Variants in SIRPA observed in about 807,000 individuals in gnomAD.
The protein encoded by SIRPA is tyrosine-protein phosphatase non-receptor type substrate 1.
A neutral mutation model predicts 50.3 loss-of-function variants in SIRPA; 9 were observed. That is an observed-to-expected ratio of 0.18 (90% CI 0.11 to 0.31). The LOEUF (loss-of-function observed/expected upper bound fraction) is 0.31. Ranked by LOEUF, SIRPA falls within the 10% of genes least tolerant of loss-of-function variation. The pLI, the probability that SIRPA is intolerant of heterozygous loss-of-function variation, is 1.00. For missense variants in SIRPA, 474 were observed against 661.6 expected (o/e 0.72, Z 3.11); for synonymous variants, 265 against 284.1 (o/e 0.93, Z 0.68).
intron 1 of SIRPA, among the ~76,000 whole-genome samples, chr20:1,904,387 C>T (rs1000309633): frequency 6.6e-6 from 1 of 152,182 alleles, no homozygotes; most frequent in Non-Finnish European, 1.5e-5. Flanking sequence ...CTTGGAGGCC[C>T]CACCTCGAGG....
At chr20:1,906,344 G>A (rs923437914) in intron 1 of SIRPA, among the ~76,000 whole-genome samples, 2 of 152,228 alleles carry the variant, frequency 1.3e-5, no homozygotes, top group African/African-American at 4.8e-5. Context: ...ATGACAGGGA[G>A]ATGAGCGCTT....
At chr20:1,900,922 G>A (rs1984154276) in intron 1 of SIRPA, among the ~76,000 whole-genome samples, 1 of 152,236 alleles carries the variant, frequency 6.6e-6, no homozygotes, top group Non-Finnish European at 1.5e-5. Flanking sequence ...CGTTGGATCT[G>A]TGAGGAAACT....
rs1600438258 is a variant in SIRPA, at chr20:1,922,759, AT to A, written c.1087+115del. ...TATAGAACAATCTAGAAGTCTATAA[AT>A]ATAAAGTAGAATTTTAATGTCAGCT... On this transcript the variant is annotated intron_variant, in intron 4 of 7. Transcript: ENST00000358771. 14 of 1,256,696 alleles carry A rather than the reference AT, an allele frequency of 1.1e-5. No homozygotes were observed. The East Asian group carries it at 3.6e-4, about 32-fold the overall frequency. 77.8% of individuals were successfully genotyped at this position (1,256,696 alleles called of 1,614,324 possible).
chr20:1,927,151 C>T lies in SIRPA; in HGVS notation c.1202-724C>T, dbSNP rs1986028816. The stretch of plus-strand genomic sequence containing the variant: ...AGCAAGAATTCTTGCACTGTGGCAG[C>T]CTCCAGCCTATTAAAGTGCGGTGCA... On this transcript the variant is annotated intron_variant, in intron 5 of 7. Coordinates refer to ENST00000358771, the MANE Select transcript of SIRPA (RefSeq NM_001040023.2). This position sits in a 1 kb window ranked among gnomAD's most constrained non-coding sequence, Gnocchi z 6.5. Among the ~76,000 whole-genome samples, 1 of 152,242 alleles carries T rather than the reference C, an allele frequency of 6.6e-6. No individual in the cohort carries two copies. Among genetic ancestry groups the T allele is most frequent in the African/African-American group, 2.4e-5 (1 of 41,460 alleles).
chr20:1,897,686 G>A (rs1383233738), intron 1 of SIRPA, among the ~76,000 whole-genome samples: 1 of 152,082 alleles, frequency 6.6e-6, no homozygotes, highest in African/African-American at 2.4e-5. Flanking sequence ...AGGCAGAACT[G>A]TCAGCCTGGG....
At chr20:1,910,253 C>A (rs1234230499) in intron 1 of SIRPA, among the ~76,000 whole-genome samples, 1 of 152,204 alleles carries the variant, frequency 6.6e-6, no homozygotes, top group Non-Finnish European at 1.5e-5. Flanking sequence ...TTGCTGTGGA[C>A]ACTGAGTTCC....
At position 1,937,595 on chromosome 20, in the gene SIRPA, C is replaced by CGT; in HGVS notation, c.*27_*28insGT. On this transcript the variant is annotated 3_prime_UTR_variant, in exon 8 of 8. Transcript: ENST00000358771. This position sits in a 1 kb window ranked among gnomAD's most constrained non-coding sequence, Gnocchi z 8.3. ...TGGGACCGTGGTTTGCTCTAGCACC[C>CGT]ATCTCTACGCGCTTTCTTGTCCCAC... 1 of 1,608,056 alleles carries CGT rather than the reference C, an allele frequency of 6.2e-7. No individual in the cohort carries two copies.
In SIRPA at chr20:1,939,819, A is replaced by G. The variant is rs541193058; in HGVS notation, c.*2251A>G. 3.3e-5 allele frequency: 5 copies of G among 152,722 alleles called. No individual in the cohort carries two copies. Among genetic ancestry groups the G allele is most frequent in the Non-Finnish European group, 7.4e-5 (5 of 68,004 alleles). 9.5% of individuals were successfully genotyped at this position (152,722 alleles called of 1,614,324 possible). ...GACTGCTGGGAAGGAAACAGGCCCC[A>G]TTTTGTATATAGTTGCAACTTAAAC... On this transcript the variant is annotated 3_prime_UTR_variant, in exon 8 of 8. Transcript: ENST00000358771. This position sits in a 1 kb window ranked among gnomAD's most constrained non-coding sequence, Gnocchi z 4.7.
chr20:1,918,571 C>T (rs1349763860), intron 2 of SIRPA, among the ~76,000 whole-genome samples: 1 of 151,952 alleles, frequency 6.6e-6, no homozygotes, highest in East Asian at 1.9e-4. Context: ...TGCTGAGCCT[C>T]AGTTTCCCCA....
At chr20:1,914,143 T>C (rs66815411) in intron 1 of SIRPA, among the ~76,000 whole-genome samples, 62,172 of 152,010 alleles carry the variant, frequency 0.41, 13,014 homozygotes, top group East Asian at 0.66. Context: ...AACAACTTCC[T>C]CAGGGCCCAT....
intron 1 of SIRPA, among the ~76,000 whole-genome samples, chr20:1,914,819 T>TTA (rs201559932): frequency 0.41 from 61,696 of 151,552 alleles, 12,852 homozygotes; most frequent in East Asian, 0.66. Flanking sequence ...CAGATTAGAA[T>TTA]TAGCCCAGCT....
In SIRPA at chr20:1,924,907, G is replaced by C. The variant is rs377121802; in HGVS notation, c.1201+30G>C. ...GTGCATTCCCCTCTTCCTCCCTAAG[G>C]GTTTGTCCCTGGACTGTCCTCGGAG... On this transcript the variant is annotated intron_variant, in intron 5 of 7. Coordinates refer to ENST00000358771, the MANE Select transcript of SIRPA (RefSeq NM_001040023.2). This position sits in a 1 kb window ranked among gnomAD's most constrained non-coding sequence, Gnocchi z 4.5. 6.4e-7 allele frequency: 1 copy of C among 1,573,200 alleles called. No individual in the cohort carries two copies.
chr20:1,904,581 C>T (rs572374521), intron 1 of SIRPA, among the ~76,000 whole-genome samples: 2 of 152,340 alleles, frequency 1.3e-5, no homozygotes, highest in South Asian at 4.1e-4. Context: ...TACTGGGCTC[C>T]TGCAGAGGTT....
chr20:1,904,240 C>T lies in SIRPA; in HGVS notation c.79+8714C>T, dbSNP rs57273142. ...GCCAGGAGGGATAGGAGGAGGCGGC[C>T]AAGAAACCCCGGAATTTGTACTTAA... On this transcript the variant is annotated intron_variant, in intron 1 of 7. Transcript: ENST00000358771. Among the ~76,000 whole-genome samples, 419 of 152,284 alleles carry T rather than the reference C, an allele frequency of 2.8e-3. 2 individuals carry two copies. Among genetic ancestry groups the T allele is most frequent in the African/African-American group, 9.5e-3 (394 of 41,536 alleles).
chr20:1,920,335 A>AG (rs763407932), intron 2 of SIRPA, among the ~76,000 whole-genome samples: 2 of 152,194 alleles, frequency 1.3e-5, no homozygotes, highest in Non-Finnish European at 2.9e-5. Context: ...GATGGGTGTG[A>AG]GGGAGAAGTT....
intron 1 of SIRPA, among the ~76,000 whole-genome samples, chr20:1,899,138 C>T (rs982617266): frequency 2.0e-5 from 3 of 151,880 alleles, no homozygotes; most frequent in Middle Eastern, 3.2e-3. Flanking sequence ...AGATTTCTGG[C>T]CTGTCAACAC....
At chr20:1,897,098 C>T (rs1444972766) in intron 1 of SIRPA, among the ~76,000 whole-genome samples, 7 of 152,174 alleles carry the variant, frequency 4.6e-5, no homozygotes, top group Admixed American at 2.6e-4. Context: ...CGAGCAGTGA[C>T]GCTGATTAGC....
rs1600435474 is a variant in SIRPA at position 1,921,674 on chromosome 20, C to T, written c.716C>T (p.Pro239Leu). The change falls in exon 3 of 8, where the codon CCT (proline) becomes CTT (leucine). Residue 239 changes from proline (P) to leucine (L), a missense_variant. Pro to Leu is a moderately conservative substitution (Grantham distance 98). This residue lies in a region of SIRPA where 221 missense variants were observed against 359.9 expected (regional missense o/e 0.61). Coordinates refer to ENST00000358771, the MANE Select transcript of SIRPA (RefSeq NM_001040023.2). The part of the protein sequence containing the change: ...EVAHVTLQGD[P>L]LRGTANLSET... ...GCCCACGTCACCTTGCAGGGGGACCCTCTTCGTGGGACTGCCAACTTGTCT... is the reference window on the plus strand; with the variant it reads ...GCCCACGTCACCTTGCAGGGGGACCTTCTTCGTGGGACTGCCAACTTGTCT... The T allele has an allele frequency of 6.2e-7, 1 of 1,614,180 alleles. No individual in the cohort carries two copies. Among genetic ancestry groups the T allele is most frequent in the South Asian group, 1.1e-5 (1 of 91,080 alleles).
At chr20:1,921,236 C>G (rs1985630675) in intron 2 of SIRPA, among the ~76,000 whole-genome samples, 159 bp from the exon 3 acceptor site, 1 of 152,210 alleles carries the variant, frequency 6.6e-6, no homozygotes, top group African/African-American at 2.4e-5. Flanking sequence ...TTGCATCCTG[C>G]TCTGTAAAAT....
Sources: allele counts gnomAD v4.1 joint callset (sites outside exome capture counted in the v4.1 genomes callset), GRCh38; gene constraint gnomAD v4.1.1; regional missense constraint gnomAD v4.1.1; non-coding constraint Gnocchi (gnomAD v3.1); transcripts MANE v1.5; gene names NCBI Gene and HGNC (gene_info 2026-07-23, HGNC 2026-07-21).